Variants in LMF1 observed in about 807,000 individuals in gnomAD.
LMF1 encodes lipase maturation factor 1.
LMF1 carries 68 observed loss-of-function variants against 60.6 expected under a neutral mutation model. That is an observed-to-expected ratio of 1.12 (90% CI 0.92 to 1.37). The LOEUF (loss-of-function observed/expected upper bound fraction) is 1.37, where lower values mean the gene tolerates loss of function less well. LMF1 is among the 40% of genes most tolerant of loss of function. The pLI, the probability that LMF1 is intolerant of heterozygous loss-of-function variation, is 0.00. For synonymous variants in LMF1, 418 were observed against 324.7 expected (o/e 1.29, Z -3.09); for missense variants, 948 against 767.2 (o/e 1.24, Z -2.78).
At chr16:910,835 G>C in intron 4 of LMF1, 96 bp downstream of exon 4, 1 of 1,504,362 alleles carries the variant, frequency 6.6e-7, no homozygotes, top group Non-Finnish European at 9.1e-7. Context: ...GAGGGCGGCG[G>C]GGGAGGAAGG....
At chr16:921,847 G>C (rs953911450) in intron 3 of LMF1, among the ~76,000 whole-genome samples, 2 of 152,118 alleles carry the variant, frequency 1.3e-5, no homozygotes, top group African/African-American at 4.8e-5. Context: ...ACAATTCTTA[G>C]GAGAAAAACA....
At chr16:863,820 ATCCT>A (rs1418837265) in intron 10 of LMF1, among the ~76,000 whole-genome samples, 1 of 152,202 alleles carries the variant, frequency 6.6e-6, no homozygotes, top group Non-Finnish European at 1.5e-5. Flanking sequence ...TTGATTTGAG[ATCCT>A]TCCTCTTTCT....
intron 6 of LMF1, chr16:871,613 T>C (rs1007734720): frequency 2.4e-5 from 11 of 457,874 alleles, no homozygotes; most frequent in South Asian, 1.6e-4. Context: ...GCTTTAGTGA[T>C]CCGCAAGGCG....
intron 10 of LMF1, among the ~76,000 whole-genome samples, chr16:866,811 C>G (rs979161718): frequency 5.9e-5 from 9 of 152,116 alleles, no homozygotes; most frequent in African/African-American, 2.2e-4. Context: ...TTGTCTGCAT[C>G]TGCTGGCATT....
At chr16:869,202 G>A in intron 9 of LMF1, 146 bp from the exon 10 acceptor site, 1 of 692,572 alleles carries the variant, frequency 1.4e-6, no homozygotes, top group South Asian at 1.5e-5. Flanking sequence ...CTCTTTGGCT[G>A]GGGTCCCCTT....
At chr16:896,811 A>G (rs2070675257) in intron 4 of LMF1, among the ~76,000 whole-genome samples, 1 of 152,244 alleles carries the variant, frequency 6.6e-6, no homozygotes, top group Admixed American at 6.5e-5. Context: ...TTCAAATTCT[A>G]AGCTGATATG....
chr16:970,735 C>G, intron 1 of LMF1, 53 bp downstream of exon 1: 5 of 1,455,124 alleles, frequency 3.4e-6, no homozygotes, highest in Non-Finnish European at 4.6e-6. Context: ...GGGCGGGGGT[C>G]GTGGTGCGCG....
intron 6 of LMF1, among the ~76,000 whole-genome samples, chr16:876,040 G>A (rs1017304608): frequency 2.6e-5 from 4 of 152,376 alleles, no homozygotes; most frequent in East Asian, 3.9e-4. Flanking sequence ...TGGCACAGCC[G>A]GCCCTGGCCC....
chr16:885,237 A>G (rs533378746), intron 5 of LMF1: 6 of 152,280 alleles, frequency 3.9e-5, no homozygotes, highest in Non-Finnish European at 8.8e-5. Flanking sequence ...AAATAAGACA[A>G]AAAAGTTACA....
At chr16:893,364 C>G (rs1193678790) in intron 4 of LMF1, 1 of 533,306 alleles carries the variant, frequency 1.9e-6, no homozygotes, top group Non-Finnish European at 3.6e-6. Flanking sequence ...CGCATCATCA[C>G]GCTACAGAAG....
At chr16:865,967 T>C (rs1290216799) in intron 10 of LMF1, among the ~76,000 whole-genome samples, 1 of 152,252 alleles carries the variant, frequency 6.6e-6, no homozygotes, top group Non-Finnish European at 1.5e-5. Context: ...TCTAAACTTT[T>C]CATTTGGTTC....
chr16:920,231 C>T (rs1486512270), intron 3 of LMF1, among the ~76,000 whole-genome samples: 2 of 152,234 alleles, frequency 1.3e-5, no homozygotes, highest in African/African-American at 4.8e-5. Context: ...GACACGACAT[C>T]CACACCGGCC....
At chr16:880,460 C>T (rs1250378651) in intron 5 of LMF1, among the ~76,000 whole-genome samples, 1 of 152,180 alleles carries the variant, frequency 6.6e-6, no homozygotes. Flanking sequence ...TCACTTGAGC[C>T]CAGGAGTTTG....
intron 1 of LMF1, among the ~76,000 whole-genome samples, chr16:977,821 CCACACA>C (rs750130083): frequency 6.6e-6 from 1 of 150,578 alleles, no homozygotes; most frequent in African/African-American, 2.4e-5. Context: ...CCAACACACA[CCACACA>C]CACACACACA....
At chr16:854,865 G>C (rs2069145388) in intron 10 of LMF1, 159 bp from the exon 11 acceptor site, 2 of 699,622 alleles carry the variant, frequency 2.9e-6, no homozygotes, top group South Asian at 1.6e-5. Context: ...ACCCCCAGCA[G>C]ACCCCGGGCA....
At chr16:971,774 A>G (rs542991671), upstream of LMF1, among the ~76,000 whole-genome samples, 1 of 152,324 alleles carries the variant, frequency 6.6e-6, no homozygotes, top group East Asian at 1.9e-4. Context: ...TAGAGGAAAG[A>G]AAGGGCGTGA....
intron 4 of LMF1, chr16:905,044 C>T (rs1206550012): frequency 1.2e-4 from 12 of 96,540 alleles, no homozygotes; most frequent in Non-Finnish European, 6.2e-5. Flanking sequence ...CTCTGCACTG[C>T]CCGTGGGGAC....
chr16:911,404 G>A (rs933954186), intron 3 of LMF1, among the ~76,000 whole-genome samples: 3 of 152,062 alleles, frequency 2.0e-5, no homozygotes, highest in East Asian at 1.9e-4. Flanking sequence ...CTGAGAATGC[G>A]CCCTGCACAC....
At chr16:901,287 C>T (rs527839237) in intron 4 of LMF1, 13 of 152,266 alleles carry the variant, frequency 8.5e-5, no homozygotes, top group East Asian at 5.8e-4. Flanking sequence ...AAGTGATCAA[C>T]GGTGGTTTGG....
Sources: allele counts gnomAD v4.1 joint callset (sites outside exome capture counted in the v4.1 genomes callset), GRCh38; gene constraint gnomAD v4.1.1; transcripts MANE v1.5; gene names NCBI Gene and HGNC (gene_info 2026-07-23, HGNC 2026-07-21).